Variants in VPS8 observed in about 807,000 individuals in gnomAD.
VPS8 encodes vacuolar protein sorting-associated protein 8 homolog.
In VPS8, 129 loss-of-function variants were observed where a neutral mutation model predicts 216.4. The observed-to-expected ratio is 0.60, with a 90% CI of 0.52 to 0.69. The LOEUF is 0.69. Among genes scored for constraint, VPS8 ranks in the 30% least tolerant of loss-of-function variants. VPS8 has a pLI of 0.00. For synonymous variants in VPS8, 571 were observed against 565.4 expected, an observed-to-expected ratio of 1.01 and a Z score of -0.14; for missense variants, 1,531 against 1,683.5, an observed-to-expected ratio of 0.91 and a Z score of 1.59.
chr3:184,894,784 A>G lies in VPS8; in HGVS notation c.1863A>G (p.Pro621=), dbSNP rs755819981. Residue 621 remains proline, a synonymous_variant, in exon 23 of 48, where the codon CCA becomes CCG. Transcript: ENST00000625842. ...GAGTATTTTTGGAGTGCCTTGAGCC[A>G]TATATTTTAAGTGATAAATTGGTGG... The part of the protein sequence containing the change: ...AKGVFLECLE[P]YILSDKLVGI... 1.1e-5 allele frequency: 17 copies of G among 1,610,312 alleles called. No homozygotes were observed. The highest frequency in any genetic ancestry group is 4.5e-5 in the East Asian group (2 of 44,780).
intron 46 of VPS8, among the ~76,000 whole-genome samples, chr3:185,045,060 T>C (rs1040861274): frequency 4.7e-5 from 7 of 150,264 alleles, no homozygotes; most frequent in Non-Finnish European, 3.0e-5. Flanking sequence ...GCTGAGGCTA[T>C]AAGAGATACA....
intron 25 of VPS8, chr3:184,901,288 G>A (rs544521045): frequency 1.2e-5 from 3 of 252,808 alleles, no homozygotes; most frequent in South Asian, 9.8e-5. Flanking sequence ...CACTTTACGT[G>A]GATGAAGCAT....
At chr3:184,908,913 T>A (rs2109038404) in intron 25 of VPS8, among the ~76,000 whole-genome samples, 1 of 152,210 alleles carries the variant, frequency 6.6e-6, no homozygotes, top group East Asian at 1.9e-4. Context: ...AAGGCAACAT[T>A]CGATTGGTTA....
At chr3:184,937,158 G>T (rs1741791857) in intron 35 of VPS8, among the ~76,000 whole-genome samples, 1 of 152,194 alleles carries the variant, frequency 6.6e-6, no homozygotes, top group Non-Finnish European at 1.5e-5. Flanking sequence ...GGTAAATATT[G>T]AGAAGCTCAG....
chr3:184,839,474 A>G (rs1721716172), intron 6 of VPS8: 1 of 491,884 alleles, frequency 2.0e-6, no homozygotes, highest in South Asian at 3.0e-5. Context: ...TGAACATATG[A>G]TATTTTGATA....
At chr3:185,016,108 C>T (rs140046812) in intron 45 of VPS8, among the ~76,000 whole-genome samples, 1 of 151,848 alleles carries the variant, frequency 6.6e-6, no homozygotes, top group African/African-American at 2.4e-5. Context: ...ATAGATTACT[C>T]ATGGCGTAGG....
At chr3:184,911,202 A>G (rs771311803) in intron 25 of VPS8, among the ~76,000 whole-genome samples, 6 of 152,228 alleles carry the variant, frequency 3.9e-5, no homozygotes, top group Non-Finnish European at 5.9e-5. Flanking sequence ...ACAATTTACT[A>G]ATTACCTACG....
intron 45 of VPS8, among the ~76,000 whole-genome samples, chr3:185,019,703 G>A (rs1577183572): frequency 2.0e-5 from 3 of 152,314 alleles, no homozygotes; most frequent in Non-Finnish European, 2.9e-5. Flanking sequence ...ACCTTCCAGC[G>A]TGGGCGTCAT....
intron 45 of VPS8, among the ~76,000 whole-genome samples, chr3:185,019,547 G>T (rs1443042261): frequency 6.6e-6 from 1 of 152,206 alleles, no homozygotes; most frequent in African/African-American, 2.4e-5. Context: ...GAAATAAAGG[G>T]ATGGGTCTGG....
chr3:184,849,761 G>A (rs1366202232), intron 9 of VPS8, 175 bp from the exon 10 acceptor site: 4 of 592,202 alleles, frequency 6.8e-6, no homozygotes, highest in South Asian at 2.1e-5. Context: ...AATGAAGATC[G>A]AATAAAGGCT....
intron 39 of VPS8, 45 bp downstream of exon 39, chr3:184,966,758 C>T (rs1446426116): frequency 1.4e-6 from 2 of 1,407,454 alleles, no homozygotes; most frequent in Non-Finnish European, 2.0e-6. Context: ...CCTTGGACCC[C>T]ATGTTTTAAA....
At chr3:184,839,593 A>G in intron 6 of VPS8, 105 bp from the exon 7 acceptor site, 1 of 1,043,032 alleles carries the variant, frequency 9.6e-7, no homozygotes, top group Non-Finnish European at 1.4e-6. Flanking sequence ...AATAGTTTGT[A>G]TGTCATCTGG....
chr3:184,965,580 C>T (rs968987409), intron 38 of VPS8, among the ~76,000 whole-genome samples: 4 of 152,188 alleles, frequency 2.6e-5, no homozygotes, highest in African/African-American at 4.8e-5. Flanking sequence ...CGAGAAACAA[C>T]GGCTAGGTCC....
intron 20 of VPS8, among the ~76,000 whole-genome samples, chr3:184,870,073 G>A (rs1577992429): frequency 6.6e-6 from 1 of 152,090 alleles, no homozygotes; most frequent in East Asian, 1.9e-4. Flanking sequence ...CCAAGTAATA[G>A]CCCACAGAAA....
chr3:184,849,696 T>C, intron 9 of VPS8: 1 of 504,616 alleles, frequency 2.0e-6, no homozygotes. Context: ...TCTCTCAGTA[T>C]GAGAACAACA....
intron 21 of VPS8, among the ~76,000 whole-genome samples, chr3:184,883,598 G>T (rs999099586): frequency 6.6e-6 from 1 of 152,050 alleles, no homozygotes; most frequent in Non-Finnish European, 1.5e-5. Context: ...CTTTATACCT[G>T]TTGTCAGTAC....
chr3:184,889,324 A>G (rs75389581), intron 22 of VPS8, among the ~76,000 whole-genome samples: 6 of 152,294 alleles, frequency 3.9e-5, no homozygotes, highest in Non-Finnish European at 5.9e-5. Flanking sequence ...GATCTCAGAA[A>G]TAACAGGAAC....
chr3:185,039,100 A>G (rs1448229054), intron 46 of VPS8, among the ~76,000 whole-genome samples: 1 of 152,198 alleles, frequency 6.6e-6, no homozygotes, highest in East Asian at 1.9e-4. Flanking sequence ...TCTTGGTTGC[A>G]GTAGTGTGGA....
intron 7 of VPS8, among the ~76,000 whole-genome samples, chr3:184,842,975 A>G (rs1722466299): frequency 6.6e-6 from 1 of 151,744 alleles, no homozygotes; most frequent in African/African-American, 2.4e-5. Context: ...TCTTTTTGAA[A>G]TTGTTTTTGT....
Sources: gnomAD v4.1 joint callset for allele counts (sites outside exome capture counted in the v4.1 genomes callset) on GRCh38, gnomAD v4.1.1 for gene constraint, MANE v1.5 for transcripts, NCBI Gene and HGNC (gene_info 2026-07-23, HGNC 2026-07-21) for gene names.